Variants in DEPTOR observed in about 807,000 individuals in gnomAD.
The protein encoded by DEPTOR is DEP domain containing MTOR interacting protein.
DEPTOR carries 41 observed loss-of-function variants against 41.6 expected under a neutral mutation model. The ratio of observed to expected loss-of-function variants is 0.98; its 90% CI spans 0.77 to 1.28. The LOEUF is 1.28. Ranked by LOEUF, DEPTOR falls within the 50% of genes most tolerant of loss-of-function variation. The pLI, the probability that DEPTOR is intolerant of heterozygous loss-of-function variation, is 0.00. For missense variants in DEPTOR, 514 were observed against 527.9 expected (o/e 0.97, Z 0.26); for synonymous variants, 195 against 192.3 (o/e 1.01, Z -0.12).
intron 1 of DEPTOR, among the ~76,000 whole-genome samples, chr8:119,888,330 T>C (rs961669878): frequency 1.3e-5 from 2 of 152,152 alleles, no homozygotes; most frequent in Admixed American, 1.3e-4. Flanking sequence ...ACTATACTAT[T>C]AGAATTGTCA....
intron 8 of DEPTOR, among the ~76,000 whole-genome samples, chr8:120,028,605 C>A (rs188376433): frequency 1.3e-5 from 2 of 151,514 alleles, no homozygotes; most frequent in Non-Finnish European, 2.9e-5. Flanking sequence ...GGATTACAGG[C>A]GCCTGCCACC....
intron 4 of DEPTOR, among the ~76,000 whole-genome samples, chr8:119,976,451 G>A (rs1828697573): frequency 6.6e-6 from 1 of 152,138 alleles, no homozygotes; most frequent in Admixed American, 6.5e-5. Flanking sequence ...ACCACTTACT[G>A]AGGACTTGGC....
Position 120,030,497 on chromosome 8 carries a change from GTTTTTTTTTTTTT to G in DEPTOR, c.1102-19063_1102-19051del, listed in dbSNP as rs1171655489. On this transcript the variant is annotated intron_variant, in intron 8 of 8. Transcript: ENST00000286234. ...AATGATGTATTGTGTAGGTTCATCA[GTTTTTTTTTTTTT>G]TTTTTTTTTTTTTTTAGCTGGAGTC... is the stretch of plus-strand genomic sequence containing the variant. Among the ~76,000 whole-genome samples, 115 of 46,216 alleles carry G rather than the reference GTTTTTTTTTTTTT, an allele frequency of 2.5e-3. 2 individuals are homozygous for G. The East Asian group carries it at 0.061, about 25-fold the overall frequency. The allele number at this position is 46,216 out of a possible 152,430, so 30.3% of individuals were successfully genotyped here.
rs998068543 is a variant in DEPTOR at position 119,916,279 on chromosome 8, T to G, written c.123-12121T>G. The stretch of plus-strand genomic sequence containing the variant: ...CAGGCTAGGCTAATTTTTTTTTTTT[T>G]TTTTTTTTTTTTTTTTTTTTTTTAG... On this transcript the variant is annotated intron_variant, in intron 1 of 8. Transcript: ENST00000286234. 5.1e-3 allele frequency among the ~76,000 whole-genome samples: 747 copies of G among 146,306 alleles called. 36 individuals are homozygous for G. The highest frequency in any genetic ancestry group is 0.016 in the African/African-American group (620 of 39,684).
At chr8:119,887,887 C>T (rs1183923791) in intron 1 of DEPTOR, among the ~76,000 whole-genome samples, 3 of 152,052 alleles carry the variant, frequency 2.0e-5, no homozygotes, top group African/African-American at 7.2e-5. Context: ...GGGGCATGAT[C>T]ACAGCACACT....
chr8:119,954,949 C>T (rs1476865144), intron 3 of DEPTOR, among the ~76,000 whole-genome samples: 1 of 152,042 alleles, frequency 6.6e-6, no homozygotes, highest in Non-Finnish European at 1.5e-5. Context: ...ACCTCCGTCT[C>T]CTGGGTTCAA....
At chr8:119,983,272 A>G (rs1325600365) in intron 4 of DEPTOR, among the ~76,000 whole-genome samples, 8 of 149,250 alleles carry the variant, frequency 5.4e-5, no homozygotes, top group Non-Finnish European at 1.2e-4. Context: ...TTTTTTTGAG[A>G]TGGAGTCTTT....
intron 8 of DEPTOR, among the ~76,000 whole-genome samples, chr8:120,048,135 C>G (rs1374363504): frequency 1.3e-5 from 2 of 152,134 alleles, no homozygotes; most frequent in African/African-American, 4.8e-5. Flanking sequence ...GGGCACTCAC[C>G]TGGCAACTCC....
At chr8:120,010,424 G>C (rs560721349) in intron 8 of DEPTOR, among the ~76,000 whole-genome samples, 1 of 152,168 alleles carries the variant, frequency 6.6e-6, no homozygotes, top group Non-Finnish European at 1.5e-5. Flanking sequence ...AGACCAGCCT[G>C]ACCAACATGG....
intron 8 of DEPTOR, among the ~76,000 whole-genome samples, chr8:120,043,342 A>AT (rs1425281281): frequency 6.6e-6 from 1 of 152,124 alleles, no homozygotes; most frequent in Admixed American, 6.6e-5. Context: ...TGAAGGCATT[A>AT]TTTTTTGCCT....
chr8:119,980,972 A>T (rs1266900238), intron 4 of DEPTOR, among the ~76,000 whole-genome samples: 4 of 152,192 alleles, frequency 2.6e-5, no homozygotes, highest in African/African-American at 7.2e-5. Context: ...CCCCAGCACC[A>T]TGATTTCACA....
At chr8:119,884,857 C>G (rs1189191061) in intron 1 of DEPTOR, among the ~76,000 whole-genome samples, 1 of 150,562 alleles carries the variant, frequency 6.6e-6, no homozygotes, top group African/African-American at 2.5e-5. Flanking sequence ...CTCACTGCAA[C>G]CTCCGCTTCT....
intron 3 of DEPTOR, 130 bp downstream of exon 3, chr8:119,930,068 T>A: frequency 9.2e-7 from 1 of 1,091,178 alleles, no homozygotes; most frequent in Non-Finnish European, 1.2e-6. Flanking sequence ...CTTTTCCATA[T>A]GAGAAAACTA....
chr8:119,928,748 T>C (rs1425610286), intron 2 of DEPTOR, among the ~76,000 whole-genome samples, 170 bp downstream of exon 2: 3 of 148,884 alleles, frequency 2.0e-5, no homozygotes, highest in Admixed American at 6.6e-5. Flanking sequence ...TCTTTCTTTT[T>C]TTTTTTTTTT....
At chr8:119,923,823 G>A (rs1180022692) in intron 1 of DEPTOR, among the ~76,000 whole-genome samples, 2 of 150,204 alleles carry the variant, frequency 1.3e-5, no homozygotes, top group South Asian at 2.1e-4. Context: ...TTTCAGACAG[G>A]GTTCTTCTTA....
chr8:120,019,429 C>A (rs930464306), intron 8 of DEPTOR, among the ~76,000 whole-genome samples: 2 of 152,206 alleles, frequency 1.3e-5, no homozygotes, highest in African/African-American at 4.8e-5. Context: ...TCCAGAGACC[C>A]CCTTGTGCCT....
At chr8:119,915,408 T>C (rs1363322916) in intron 1 of DEPTOR, among the ~76,000 whole-genome samples, 1 of 152,242 alleles carries the variant, frequency 6.6e-6, no homozygotes, top group African/African-American at 2.4e-5. Context: ...CAATGCAGTG[T>C]CTTTCTCAAG....
At chr8:120,045,085 C>A (rs1033623194) in intron 8 of DEPTOR, among the ~76,000 whole-genome samples, 6 of 152,162 alleles carry the variant, frequency 3.9e-5, no homozygotes, top group East Asian at 1.9e-4. Context: ...ATCCTCTATA[C>A]CCCTAGAGAT....
chr8:120,040,908 T>C (rs1482514379), intron 8 of DEPTOR, among the ~76,000 whole-genome samples: 2 of 152,346 alleles, frequency 1.3e-5, no homozygotes, highest in African/African-American at 2.4e-5. Context: ...CTGCTTTCTG[T>C]ATCATTTAAT....
Sources: gnomAD v4.1 joint callset for allele counts (sites outside exome capture counted in the v4.1 genomes callset) on GRCh38, gnomAD v4.1.1 for gene constraint, MANE v1.5 for transcripts, NCBI Gene and HGNC (gene_info 2026-07-23, HGNC 2026-07-21) for gene names.